SMAD5: variants seen among roughly 807,000 people sequenced by gnomAD.
SMAD5 encodes SMAD family member 5.
In SMAD5, 9 loss-of-function variants were observed where a neutral mutation model predicts 43.1. The ratio of observed to expected loss-of-function variants is 0.21; its 90% confidence interval spans 0.13 to 0.36. The LOEUF is 0.36. Ranked by LOEUF, SMAD5 falls within the 10% of genes least tolerant of loss-of-function variation. The probability of loss-of-function intolerance (pLI) is 1.00; values close to 1 mark genes in which losing one functional copy is unlikely to be tolerated. For synonymous variants in SMAD5, 190 were observed against 192.4 expected (o/e 0.99, Z 0.10); for missense variants, 348 against 574.0 (o/e 0.61, Z 4.02).
chr5:136,167,898 C>T (rs938894171), intron 5 of SMAD5, among the ~76,000 whole-genome samples: 13 of 151,594 alleles, frequency 8.6e-5, no homozygotes, highest in South Asian at 4.2e-4. Flanking sequence ...GACGGAATCT[C>T]GCTCTGCCAC....
At chr5:136,143,199 T>C (rs1175092240) in intron 1 of SMAD5, among the ~76,000 whole-genome samples, 1 of 152,146 alleles carries the variant, frequency 6.6e-6, no homozygotes, top group African/African-American at 2.4e-5. Context: ...GATGTTTTCA[T>C]TATTCAGGGT....
chr5:136,153,414 A>T (rs574089578), intron 2 of SMAD5, among the ~76,000 whole-genome samples, 178 bp from the exon 3 acceptor site: 1 of 152,210 alleles, frequency 6.6e-6, no homozygotes, highest in Non-Finnish European at 1.5e-5. Context: ...ACTTGTTCAT[A>T]TTATGGGGAA....
intron 3 of SMAD5, among the ~76,000 whole-genome samples, chr5:136,159,564 C>G (rs1001114485): frequency 6.6e-6 from 1 of 152,016 alleles, no homozygotes; most frequent in Non-Finnish European, 1.5e-5. Flanking sequence ...AAAGCAAATT[C>G]TTACTGAACT....
Position 136,165,662 on chromosome 5 carries a change from A to ATATTTTTT in SMAD5, c.775+2272_775+2273insATTTTTTT, listed in dbSNP as rs1561653930. Among the ~76,000 whole-genome samples, 24 of 65,450 alleles carry ATATTTTTT rather than the reference A, an allele frequency of 3.7e-4. 6 individuals are homozygous for ATATTTTTT. Among genetic ancestry groups the ATATTTTTT allele is most frequent in the South Asian group, 1.9e-3 (3 of 1,558 alleles). 42.9% of individuals were successfully genotyped at this position (65,450 alleles called of 152,430 possible). On this transcript the variant is annotated intron_variant, in intron 5 of 7. Coordinates refer to ENST00000545279, the MANE Select transcript of SMAD5 (RefSeq NM_005903.7). ...TACTTCATATAAATGGAATCATACA[A>ATATTTTTT]TTTTTTTTTTTTTTTTTTTTTTTTT...
intron 2 of SMAD5, among the ~76,000 whole-genome samples, chr5:136,150,622 A>G (rs1257317274): frequency 6.6e-6 from 1 of 152,018 alleles, no homozygotes; most frequent in African/African-American, 2.4e-5. Flanking sequence ...CTCATCATTA[A>G]GAATGACTAA....
In SMAD5 at chr5:136,181,348, A is replaced by G. The variant is rs995436522; in HGVS notation, c.*3868A>G. The G allele has an allele frequency of 6.6e-6, 1 of 152,106 alleles. No homozygotes were observed. The highest frequency in any genetic ancestry group is 2.1e-4 in the South Asian group (1 of 4,828). The allele number at this position is 152,106 out of a possible 1,614,324, so 9.4% of individuals were successfully genotyped here. On this transcript the variant is annotated 3_prime_UTR_variant, in exon 8 of 8. Coordinates refer to ENST00000545279, the MANE Select transcript of SMAD5 (RefSeq NM_005903.7). Reference sequence around the variant, plus strand: ...TGTCTTACTAGTTAAATCCTCACCTAATCTCTTGGGTATGAATATAAATGT... The same window carrying G: ...TGTCTTACTAGTTAAATCCTCACCTGATCTCTTGGGTATGAATATAAATGT...
chr5:136,143,881 C>A (rs1318365164), intron 1 of SMAD5, among the ~76,000 whole-genome samples: 1 of 151,896 alleles, frequency 6.6e-6, no homozygotes, highest in Non-Finnish European at 1.5e-5. Context: ...TGGCCATTTG[C>A]AACACAGTTA....
intron 5 of SMAD5, among the ~76,000 whole-genome samples, chr5:136,167,078 GCAA>G (rs1172528065): frequency 1.3e-5 from 2 of 152,156 alleles, no homozygotes; most frequent in Non-Finnish European, 2.9e-5. Context: ...CCACCTGTTA[GCAA>G]CAATACGTCT....
intron 1 of SMAD5, among the ~76,000 whole-genome samples, chr5:136,138,217 A>G (rs1752950525): frequency 6.6e-6 from 1 of 152,212 alleles, no homozygotes; most frequent in Non-Finnish European, 1.5e-5. Flanking sequence ...TGTGGGAGAT[A>G]ATAAAGTAGA....
intron 1 of SMAD5, among the ~76,000 whole-genome samples, chr5:136,146,575 A>G (rs1270423842): frequency 6.6e-6 from 1 of 151,860 alleles, no homozygotes; most frequent in African/African-American, 2.4e-5. Flanking sequence ...TTTTGTATAC[A>G]TAATGAGAAA....
At chr5:136,174,233 A>C (rs1754326935) in intron 6 of SMAD5, 143 bp from the exon 7 acceptor site, 1 of 646,998 alleles carries the variant, frequency 1.5e-6, no homozygotes, top group African/African-American at 1.8e-5. Context: ...TTGGCAGCAG[A>C]AGGCCATCTA....
intron 1 of SMAD5, among the ~76,000 whole-genome samples, chr5:136,144,667 G>C (rs1405258038): frequency 6.6e-6 from 1 of 151,340 alleles, no homozygotes; most frequent in African/African-American, 2.4e-5. Flanking sequence ...CTTTAGGATA[G>C]GTATGTTAGG....
At chr5:136,164,402 C>G (rs965342097) in intron 5 of SMAD5, among the ~76,000 whole-genome samples, 1 of 152,102 alleles carries the variant, frequency 6.6e-6, no homozygotes, top group African/African-American at 2.4e-5. Flanking sequence ...CTCCTAACAC[C>G]TGTTATTGTC....
intron 1 of SMAD5, chr5:136,133,764 T>G (rs1205118714): frequency 1.3e-5 from 2 of 154,448 alleles, no homozygotes; most frequent in Non-Finnish European, 2.9e-5. Context: ...ACGTGGAGTT[T>G]GGAGCCTAAG....
intron 4 of SMAD5, among the ~76,000 whole-genome samples, chr5:136,162,692 A>G (rs1463446112): frequency 6.6e-6 from 1 of 152,234 alleles, no homozygotes; most frequent in East Asian, 1.9e-4. Flanking sequence ...TTGAAACTCA[A>G]AGATTTTCTA....
At chr5:136,132,995 G>C (rs1752725512) in intron 1 of SMAD5, 33 bp downstream of exon 1, 1 of 152,380 alleles carries the variant, frequency 6.6e-6, no homozygotes, top group Non-Finnish European at 1.5e-5. Context: ...CGCGGGCGAG[G>C]GGAACTGGGG....
rs1337376481 is a variant in SMAD5, at chr5:136,182,541, ATT to A, written c.*5063_*5064del. On this transcript the variant is annotated 3_prime_UTR_variant, in exon 8 of 8. Coordinates refer to ENST00000545279, the MANE Select transcript of SMAD5 (RefSeq NM_005903.7). ...TGGCTGCACTGTAGGTCTGCTGCTT[ATT>A]TGTATTTGTTGTGCTTCTGTTTATG... 1.3e-5 allele frequency: 2 copies of A among 152,596 alleles called. No individual in the cohort carries two copies. Among genetic ancestry groups the A allele is most frequent in the East Asian group, 3.8e-4 (2 of 5,202 alleles). The allele number at this position is 152,596 out of a possible 1,614,324, so 9.5% of individuals were successfully genotyped here.
chr5:136,176,173 G>A (rs1267814527), intron 7 of SMAD5, among the ~76,000 whole-genome samples: 9 of 151,470 alleles, frequency 5.9e-5, no homozygotes, highest in Non-Finnish European at 1.5e-5. Flanking sequence ...AAAAACCTGG[G>A]CCGGGTGAGG....
rs974386049 is a variant in SMAD5, at chr5:136,181,022, A to C, written c.*3542A>C. ...TGTTGGAAGAGAATGTTTATACAAA[A>C]AATGAAATTCTTCCAACAGCAGAGA... is the stretch of plus-strand genomic sequence containing the variant. On this transcript the variant is annotated 3_prime_UTR_variant, in exon 8 of 8. Coordinates refer to ENST00000545279, the MANE Select transcript of SMAD5 (RefSeq NM_005903.7). 1 of 152,132 alleles carries C rather than the reference A, an allele frequency of 6.6e-6. No individual in the cohort carries two copies. Among genetic ancestry groups the C allele is most frequent in the Non-Finnish European group, 1.5e-5 (1 of 67,966 alleles). 9.4% of individuals were successfully genotyped at this position (152,132 alleles called of 1,614,324 possible). A position where few individuals can be genotyped will look rare whatever the true frequency, so the allele number is the denominator to read the frequency against.
Sources: allele counts gnomAD v4.1 joint callset (sites outside exome capture counted in the v4.1 genomes callset), GRCh38; gene constraint gnomAD v4.1.1; transcripts MANE v1.5; gene names NCBI Gene and HGNC (gene_info 2026-07-23, HGNC 2026-07-21).